The following C8orf34 variants were observed in gnomAD, a reference collection of about 807,000 sequenced individuals.
C8orf34 encodes uncharacterized protein C8orf34.
Under a neutral mutation model 68.3 loss-of-function variants are expected in C8orf34, and 65 were observed. The observed-to-expected ratio is 0.95, with a 90% confidence interval of 0.78 to 1.17. C8orf34 has a LOEUF of 1.17. Ranked by LOEUF, C8orf34 falls within the 50% of genes most tolerant of loss-of-function variation. C8orf34 has a pLI of 0.00. For synonymous variants in C8orf34, 244 were observed against 241.2 expected, an observed-to-expected ratio of 1.01 and a Z score of -0.11; for missense variants, 664 against 655.4, an observed-to-expected ratio of 1.01 and a Z score of -0.14.
At chr8:68,427,449 A>G (rs1263228082) in intron 1 of C8orf34, among the ~76,000 whole-genome samples, 1 of 152,226 alleles carries the variant, frequency 6.6e-6, no homozygotes, top group Non-Finnish European at 1.5e-5. Flanking sequence ...TATCAAAAAG[A>G]TATATACTTC....
chr8:68,542,350 A>G (rs914320363), intron 7 of C8orf34, among the ~76,000 whole-genome samples: 2 of 152,246 alleles, frequency 1.3e-5, no homozygotes, highest in African/African-American at 4.8e-5. Context: ...TAAGAAATAT[A>G]TCAAGAGATG....
At chr8:68,575,766 C>T (rs1816882961) in intron 7 of C8orf34, among the ~76,000 whole-genome samples, 1 of 151,840 alleles carries the variant, frequency 6.6e-6, no homozygotes, top group African/African-American at 2.4e-5. Flanking sequence ...CATTGAAGAG[C>T]TGTGGTTCCT....
chr8:68,491,004 C>A (rs941546764), intron 5 of C8orf34, among the ~76,000 whole-genome samples: 9 of 152,172 alleles, frequency 5.9e-5, no homozygotes, highest in East Asian at 3.9e-4. Context: ...GTAAATATAG[C>A]TTCTTCCTTT....
chr8:68,356,359 A>G (rs1285265954), intron 1 of C8orf34, among the ~76,000 whole-genome samples: 2 of 152,140 alleles, frequency 1.3e-5, no homozygotes, highest in East Asian at 3.8e-4. Flanking sequence ...TTTATTGGGT[A>G]CTATATTATC....
intron 1 of C8orf34, among the ~76,000 whole-genome samples, chr8:68,407,766 A>T (rs999055231): frequency 1.3e-5 from 2 of 151,740 alleles, no homozygotes; most frequent in Non-Finnish European, 2.9e-5. Flanking sequence ...TGTTATTTTC[A>T]TTTGTCAACA....
chr8:68,361,907 A>G (rs1807018158), intron 1 of C8orf34, among the ~76,000 whole-genome samples: 1 of 152,280 alleles, frequency 6.6e-6, no homozygotes, highest in Non-Finnish European at 1.5e-5. Context: ...AAAATAGGCA[A>G]AGAACTCAAA....
chr8:68,799,661 C>A lies in C8orf34; in HGVS notation c.1549+12125C>A, dbSNP rs1210412774. ...TTGTGGATCTTGAAAAGTCAACATA[C>A]ATATACTGAGAAGCTACCATATGTT... On this transcript the variant is annotated intron_variant, in intron 12 of 13. Transcript: ENST00000518698. 2.0e-5 allele frequency among the ~76,000 whole-genome samples: 3 copies of A among 152,304 alleles called. 1 individual carries two copies. The highest frequency in any genetic ancestry group is 4.1e-4 in the South Asian group (2 of 4,830).
At chr8:68,700,993 A>G (rs909682499) in intron 8 of C8orf34, among the ~76,000 whole-genome samples, 4 of 152,168 alleles carry the variant, frequency 2.6e-5, no homozygotes, top group Non-Finnish European at 5.9e-5. Context: ...AACCCTTTGA[A>G]GCAAATGGCT....
intron 8 of C8orf34, among the ~76,000 whole-genome samples, chr8:68,676,727 T>G (rs954523715): frequency 6.6e-6 from 1 of 152,196 alleles, no homozygotes; most frequent in Non-Finnish European, 1.5e-5. Context: ...TTTGTATTAG[T>G]TCGTTTTCAT....
At chr8:68,470,908 A>T (rs561440988) in intron 4 of C8orf34, among the ~76,000 whole-genome samples, 1 of 152,222 alleles carries the variant, frequency 6.6e-6, no homozygotes. Flanking sequence ...TTTTGGGAGG[A>T]CACCAACATT....
intron 7 of C8orf34, among the ~76,000 whole-genome samples, chr8:68,613,244 T>A (rs1417122710): frequency 6.6e-6 from 1 of 152,122 alleles, no homozygotes; most frequent in Non-Finnish European, 1.5e-5. Context: ...TCTGAATTTA[T>A]CTTGTGGAGA....
chr8:68,383,672 T>C (rs1316209202), intron 1 of C8orf34, among the ~76,000 whole-genome samples: 2 of 152,192 alleles, frequency 1.3e-5, no homozygotes, highest in Non-Finnish European at 2.9e-5. Context: ...TAGTGCACCC[T>C]TCTGGAAAAA....
intron 2 of C8orf34, among the ~76,000 whole-genome samples, chr8:68,444,932 G>T (rs909990219): frequency 1.3e-5 from 2 of 152,052 alleles, no homozygotes; most frequent in African/African-American, 4.8e-5. Flanking sequence ...TATAGTCCAA[G>T]AATGGATATA....
intron 1 of C8orf34, among the ~76,000 whole-genome samples, chr8:68,409,186 T>C (rs1809338165): frequency 6.6e-6 from 1 of 152,250 alleles, no homozygotes; most frequent in Non-Finnish European, 1.5e-5. Flanking sequence ...TTATGTATTT[T>C]CTATATTTGA....
chr8:68,696,356 A>T (rs1032740019), intron 8 of C8orf34, among the ~76,000 whole-genome samples: 2 of 148,688 alleles, frequency 1.3e-5, no homozygotes, highest in African/African-American at 4.9e-5. Context: ...TATTGATTAT[A>T]TATATAGATT....
chr8:68,693,943 G>A (rs1353106586), intron 8 of C8orf34, among the ~76,000 whole-genome samples: 1 of 152,044 alleles, frequency 6.6e-6, no homozygotes, highest in Non-Finnish European at 1.5e-5. Flanking sequence ...CACAAAAAGG[G>A]TGGAGGAATA....
chr8:68,609,947 G>A (rs779348434), intron 7 of C8orf34, among the ~76,000 whole-genome samples: 2 of 152,090 alleles, frequency 1.3e-5, no homozygotes, highest in African/African-American at 2.4e-5. Context: ...GGGAGTTTCT[G>A]CCAATTCCAA....
chr8:68,462,749 C>A (rs1478829313), intron 3 of C8orf34, among the ~76,000 whole-genome samples: 1 of 151,820 alleles, frequency 6.6e-6, no homozygotes, highest in Non-Finnish European at 1.5e-5. Flanking sequence ...CCAACAAGAA[C>A]AAAGACACAA....
chr8:68,478,287 G>A (rs577985317), intron 4 of C8orf34, among the ~76,000 whole-genome samples: 1 of 152,244 alleles, frequency 6.6e-6, no homozygotes, highest in South Asian at 2.1e-4. Flanking sequence ...AGCATAGCAA[G>A]AGTGACCTTT....
Sources: allele counts gnomAD v4.1 joint callset (sites outside exome capture counted in the v4.1 genomes callset), GRCh38; gene constraint gnomAD v4.1.1; transcripts MANE v1.5; gene names NCBI Gene and HGNC (gene_info 2026-07-23, HGNC 2026-07-21).